Variants in COL18A1 observed in about 807,000 individuals in gnomAD.
COL18A1 encodes the protein collagen type XVIII alpha 1 chain, also known as collagen alpha-1(XVIII) chain.
COL18A1 carries 133 observed loss-of-function variants against 168.0 expected under a neutral mutation model. That is an observed-to-expected ratio of 0.79 (90% confidence interval 0.69 to 0.91). The LOEUF is 0.91. COL18A1 is among the 40% of genes least tolerant of loss of function. The pLI is 0.00. For missense variants in COL18A1, 2,126 were observed against 1,925.4 expected, an observed-to-expected ratio of 1.10 and a Z score of -1.95; for synonymous variants, 949 against 809.0, an observed-to-expected ratio of 1.17 and a Z score of -2.94.
intron 2 of COL18A1, among the ~76,000 whole-genome samples, chr21:45,418,484 T>C (rs1378160544): frequency 6.6e-6 from 1 of 152,022 alleles, no homozygotes; most frequent in Non-Finnish European, 1.5e-5. Context: ...TTAGATGAAT[T>C]CCCGGGCTGG....
intron 2 of COL18A1, among the ~76,000 whole-genome samples, chr21:45,433,600 A>G (rs73240303): frequency 6.6e-6 from 1 of 152,300 alleles, no homozygotes; most frequent in Non-Finnish European, 1.5e-5. Context: ...TTGTCCTATG[A>G]GAAGAGCTCC....
Position 45,500,202 on chromosome 21 carries a change from G to A in COL18A1, c.2683+2541G>A, listed in dbSNP as rs376028772. On this transcript the variant is annotated intron_variant, in intron 32 of 41. Coordinates refer to ENST00000651438, the MANE Select transcript of COL18A1 (RefSeq NM_001379500.1). ...TATAGTGTGGGTGTGTGTGGAGTGT[G>A]TGTGGCTGGGTTGGGTGTATAGTGT... 3.0e-4 allele frequency among the ~76,000 whole-genome samples: 39 copies of A among 131,500 alleles called. 1 individual carries two copies. Among genetic ancestry groups the A allele is most frequent in the South Asian group, 1.5e-3 (6 of 4,064 alleles). The allele number at this position is 131,500 out of a possible 152,430, so 86.3% of individuals were successfully genotyped here.
intron 14 of COL18A1, among the ~76,000 whole-genome samples, chr21:45,482,579 A>C (rs547568721): frequency 6.6e-6 from 1 of 152,246 alleles, no homozygotes; most frequent in African/African-American, 2.4e-5. Context: ...CAGCATTGGG[A>C]CCAGGCTTGG....
At chr21:45,493,038 G>A in intron 24 of COL18A1, 125 bp from the exon 25 acceptor site, 1 of 1,011,952 alleles carries the variant, frequency 9.9e-7, no homozygotes. Flanking sequence ...GGGGCCGCGA[G>A]GGGCCCTGGT....
chr21:45,480,620 AT>A (rs1367177270), intron 12 of COL18A1, 79 bp from the exon 13 acceptor site: 5 of 1,612,526 alleles, frequency 3.1e-6, no homozygotes, highest in East Asian at 4.5e-5. Flanking sequence ...GGGGGTGGGG[AT>A]GAGGCCCGTT....
intron 2 of COL18A1, among the ~76,000 whole-genome samples, chr21:45,438,043 C>T (rs573249395): frequency 2.2e-5 from 3 of 135,508 alleles, no homozygotes; most frequent in Non-Finnish European, 4.6e-5. Flanking sequence ...CACACAGGCA[C>T]TCTCCTGCAC....
At chr21:45,477,330 CCGGGGCCGT>C in intron 6 of COL18A1, 72 bp from the exon 7 acceptor site, 1 of 1,155,232 alleles carries the variant, frequency 8.7e-7, no homozygotes, top group Non-Finnish European at 1.3e-6. Flanking sequence ...GTTTGGGCTG[CCGGGGCCGT>C]CTGGGGTGCC....
intron 2 of COL18A1, among the ~76,000 whole-genome samples, chr21:45,458,879 G>A (rs77870115): frequency 0.02 from 3,004 of 152,316 alleles, 97 homozygotes; most frequent in African/African-American, 0.067. Context: ...GGAAGGTGCC[G>A]GTCTCCTGGG....
At chr21:45,487,095 G>A in intron 16 of COL18A1, 103 bp downstream of exon 16, 1 of 1,194,074 alleles carries the variant, frequency 8.4e-7, no homozygotes, top group African/African-American at 1.5e-5. Context: ...GTCCTGGGCG[G>A]TGGCCTTGCT....
rs2037446803 is a variant in COL18A1, at chr21:45,509,543, TGCGGCCGGCGCGACCCACAAGCCCACCC to T, written c.3440_3467del (p.Arg1147ProfsTer95). Reference sequence around the variant, plus strand: ...CCGCACCACAGCTCCTACGTGCACCTGCGGCCGGCGCGACCCACAAGCCCACCCGCCCACAGCCACCGCGACTTCCAGC... The same window carrying T: ...CCGCACCACAGCTCCTACGTGCACCTGCCCACAGCCACCGCGACTTCCAGC... On this transcript the variant is annotated frameshift_variant, in exon 39 of 42. Transcript: ENST00000651438. LOFTEE classifies it high-confidence loss of function. The T allele has an allele frequency of 6.5e-7, 1 of 1,536,000 alleles. No individual in the cohort carries two copies. The highest frequency in any genetic ancestry group is 8.7e-7 in the Non-Finnish European group (1 of 1,143,908).
intron 33 of COL18A1, 144 bp downstream of exon 33, chr21:45,504,198 G>A: frequency 9.7e-7 from 1 of 1,025,904 alleles, no homozygotes; most frequent in South Asian, 1.3e-5. Flanking sequence ...GGGTGTCGAG[G>A]GCGTCCCTCA....
chr21:45,418,501 G>A (rs979566121), intron 2 of COL18A1, among the ~76,000 whole-genome samples: 2 of 152,130 alleles, frequency 1.3e-5, no homozygotes, highest in Admixed American at 6.5e-5. Context: ...CTGGCTCTGG[G>A]GCGGCGCTTG....
chr21:45,500,472 G>A lies in COL18A1; in HGVS notation c.2683+2811G>A, dbSNP rs1437744117. On this transcript the variant is annotated intron_variant, in intron 32 of 41. Transcript: ENST00000651438. ...GGGGTGCTGGGTGTGTAGTGTGGGG[G>A]TGTGGTTTGGTGTGTTGCGTGTGTA... 5.1e-4 allele frequency among the ~76,000 whole-genome samples: 44 copies of A among 86,610 alleles called. 1 individual carries two copies. Among genetic ancestry groups the A allele is most frequent in the African/African-American group, 2.2e-3 (42 of 19,352 alleles). 56.8% of individuals were successfully genotyped at this position (86,610 alleles called of 152,430 possible). A position where few individuals can be genotyped will look rare whatever the true frequency, so the allele number is the denominator to read the frequency against.
At chr21:45,483,920 A>G (rs1293054898) in intron 15 of COL18A1, among the ~76,000 whole-genome samples, 1 of 150,720 alleles carries the variant, frequency 6.6e-6, no homozygotes, top group Non-Finnish European at 1.5e-5. Flanking sequence ...CCTCTCCAGC[A>G]TATGTACACA....
chr21:45,479,866 C>G, intron 9 of COL18A1, 36 bp from the exon 10 acceptor site: 1 of 1,612,642 alleles, frequency 6.2e-7, no homozygotes, highest in Non-Finnish European at 8.5e-7. Context: ...CATGGTGGTG[C>G]CTTCCCTGAC....
rs775819509 is a variant in COL18A1 at position 45,504,505 on chromosome 21, CCCCCCCGG to C, written c.2824_2831del (p.Gly942ArgfsTer142). 4.4e-5 allele frequency: 61 copies of C among 1,390,264 alleles called. No homozygotes were observed. The highest frequency in any genetic ancestry group is 5.4e-5 in the Non-Finnish European group (57 of 1,058,488). 86.1% of individuals were successfully genotyped at this position (1,390,264 alleles called of 1,614,324 possible). On this transcript the variant is annotated frameshift_variant, in exon 34 of 42. Transcript: ENST00000651438. LOFTEE classifies it high-confidence loss of function. ...GTTTCTTCGGCTCCAGCCTGCCCGGCCCCCCCGGCCCCCCAGGCCCCCCAGGCCCACGT... is the reference window on the plus strand; with the variant it reads ...GTTTCTTCGGCTCCAGCCTGCCCGGCCCCCCCAGGCCCCCCAGGCCCACGT...
At chr21:45,446,811 G>A (rs2034514065) in intron 2 of COL18A1, among the ~76,000 whole-genome samples, 1 of 152,218 alleles carries the variant, frequency 6.6e-6, no homozygotes, top group South Asian at 2.1e-4. Context: ...CCATGGCTAA[G>A]TGGGATTTAT....
intron 2 of COL18A1, among the ~76,000 whole-genome samples, chr21:45,438,007 C>G (rs1240340566): frequency 6.6e-5 from 4 of 60,274 alleles, no homozygotes; most frequent in African/African-American, 3.4e-4. Flanking sequence ...CACTCTCCTG[C>G]ACACACACAC....
rs758482618 is a variant in COL18A1 at position 45,505,976 on chromosome 21, C to CT, written c.3216+11dup. ...GTTCCGGAAGGTCCAGGTGAGCGCT[C>CT]TGTGTGACGGGTTCTGGACCCGTGG... On this transcript the variant is annotated intron_variant, in intron 37 of 41. Transcript: ENST00000651438. 1 of 1,613,042 alleles carries CT rather than the reference C, an allele frequency of 6.2e-7. No individual in the cohort carries two copies. The highest frequency in any genetic ancestry group is 1.3e-5 in the African/African-American group (1 of 75,064).
Sources: gnomAD v4.1 joint callset for allele counts (sites outside exome capture counted in the v4.1 genomes callset) on GRCh38, gnomAD v4.1.1 for gene constraint, MANE v1.5 for transcripts, NCBI Gene and HGNC (gene_info 2026-07-23, HGNC 2026-07-21) for gene names.